The following VPS37A variants were observed in gnomAD, a reference collection of about 807,000 sequenced individuals.
The protein encoded by VPS37A is VPS37A subunit of ESCRT-I.
Under a neutral mutation model 49.8 loss-of-function variants are expected in VPS37A, and 30 were observed. The ratio of observed to expected loss-of-function variants is 0.60; its 90% CI spans 0.45 to 0.82. The LOEUF (loss-of-function observed/expected upper bound fraction) is 0.82. VPS37A is among the 40% of genes least tolerant of loss of function. The pLI is 0.00. For synonymous variants in VPS37A, 195 were observed against 160.6 expected (o/e 1.21, Z -1.62); for missense variants, 593 against 464.4 (o/e 1.28, Z -2.55).
intron 11 of VPS37A, among the ~76,000 whole-genome samples, chr8:17,290,133 G>T (rs13270250): frequency 1.7e-4 from 26 of 152,196 alleles, no homozygotes; most frequent in Non-Finnish European, 3.7e-4. Flanking sequence ...TATACAATCG[G>T]GTCATCTGCA....
the VPS37A span, chr8:17,311,539 G>A: frequency 6.2e-7 from 1 of 1,613,984 alleles, no homozygotes; most frequent in African/African-American, 1.3e-5. Context: ...CCGGTAGTGA[G>A]GGTCCAGCAG....
At chr8:17,331,654 TATC>T in the VPS37A span, among the ~76,000 whole-genome samples, 3 of 152,222 alleles carry the variant, frequency 2.0e-5, no homozygotes, top group Non-Finnish European at 4.4e-5. Context: ...GGCAGAAGAA[TATC>T]AGCAGAAACA....
chr8:17,256,629 G>GA (rs1812488344), intron 1 of VPS37A, among the ~76,000 whole-genome samples: 2 of 121,282 alleles, frequency 1.6e-5, no homozygotes, highest in Admixed American at 8.2e-5. Context: ...CGCTGTGTAG[G>GA]TTTTATTTAT....
At chr8:17,288,789 A>G (rs28787950) in intron 11 of VPS37A, among the ~76,000 whole-genome samples, 85,382 of 152,012 alleles carry the variant, frequency 0.56, 24,850 homozygotes, top group East Asian at 0.78. Flanking sequence ...TTGAGGAATC[A>G]CCACACTGGT....
intron 6 of VPS37A, among the ~76,000 whole-genome samples, chr8:17,279,094 A>G (rs564070463): frequency 2.6e-5 from 4 of 152,256 alleles, no homozygotes; most frequent in South Asian, 2.1e-4. Flanking sequence ...AAACATATCT[A>G]TAACTCTTAC....
chr8:17,331,606 A>G, the VPS37A span, among the ~76,000 whole-genome samples: 3 of 152,234 alleles, frequency 2.0e-5, no homozygotes, highest in Admixed American at 2.0e-4. Flanking sequence ...TGATGGAACC[A>G]AGTAGTCCAA....
chr8:17,271,775 G>A (rs927753818), intron 4 of VPS37A, among the ~76,000 whole-genome samples: 17 of 152,062 alleles, frequency 1.1e-4, no homozygotes, highest in African/African-American at 3.6e-4. Flanking sequence ...TTTCTTACTC[G>A]ACAGCACTCT....
chr8:17,265,846 T>A, intron 1 of VPS37A, 61 bp from the exon 2 acceptor site: 1 of 1,611,230 alleles, frequency 6.2e-7, no homozygotes, highest in Non-Finnish European at 8.5e-7. Flanking sequence ...CACTTAACAT[T>A]GGTTTTTAAC....
Position 17,246,964 on chromosome 8 carries a change from C to T in VPS37A, c.-281C>T, listed in dbSNP as rs893606446. The T allele has an allele frequency of 5.3e-5, 24 of 454,440 alleles. No individual in the cohort carries two copies. The highest frequency in any genetic ancestry group is 8.3e-5 in the Non-Finnish European group (21 of 252,172). 28.2% of individuals were successfully genotyped at this position (454,440 alleles called of 1,614,324 possible). On this transcript the variant is annotated 5_prime_UTR_variant, in exon 1 of 12. Coordinates refer to ENST00000324849, the MANE Select transcript of VPS37A (RefSeq NM_152415.3). The stretch of plus-strand genomic sequence containing the variant: ...GCGGCGCGGGTGGTGGAGCGCTGGG[C>T]GGCCAGGCTCCCTGGCTGGCCGGTT...
At chr8:17,275,589 C>T (rs781651857) in intron 5 of VPS37A, among the ~76,000 whole-genome samples, 18 of 152,124 alleles carry the variant, frequency 1.2e-4, no homozygotes, top group Non-Finnish European at 2.2e-4. Flanking sequence ...TGCTAACATA[C>T]GCTGAGGGCT....
chr8:17,264,734 G>A (rs1205766465), intron 1 of VPS37A, among the ~76,000 whole-genome samples: 1 of 152,150 alleles, frequency 6.6e-6, no homozygotes, highest in Non-Finnish European at 1.5e-5. Flanking sequence ...GATCTTTGAA[G>A]GGTATTCATG....
At chr8:17,301,143 G>A (rs894026331), downstream of VPS37A, among the ~76,000 whole-genome samples, 1 of 152,214 alleles carries the variant, frequency 6.6e-6, no homozygotes, top group Non-Finnish European at 1.5e-5. Context: ...CTTAGGTTAT[G>A]TGCAAAAGCA....
the VPS37A span, among the ~76,000 whole-genome samples, chr8:17,316,965 G>C: frequency 6.6e-6 from 1 of 152,182 alleles, no homozygotes; most frequent in Non-Finnish European, 1.5e-5. Flanking sequence ...GCTCTCACCA[G>C]TAGGTTGGGA....
chr8:17,255,882 T>C (rs1014368012), intron 1 of VPS37A, among the ~76,000 whole-genome samples: 1 of 152,248 alleles, frequency 6.6e-6, no homozygotes, highest in African/African-American at 2.4e-5. Flanking sequence ...TCCTTTTTTA[T>C]GGTGGGATAA....
chr8:17,265,770 G>T, intron 1 of VPS37A, 137 bp from the exon 2 acceptor site: 1 of 1,541,064 alleles, frequency 6.5e-7, no homozygotes, highest in African/African-American at 1.4e-5. Context: ...TTCCCCTCAA[G>T]ATACAAGTTA....
chr8:17,309,874 G>A, the VPS37A span, among the ~76,000 whole-genome samples: 3 of 152,194 alleles, frequency 2.0e-5, no homozygotes, highest in Non-Finnish European at 4.4e-5. Flanking sequence ...AAATGATGGT[G>A]TTTGGGGTAT....
At chr8:17,262,978 T>G (rs991360562) in intron 1 of VPS37A, among the ~76,000 whole-genome samples, 1 of 151,590 alleles carries the variant, frequency 6.6e-6, no homozygotes, top group Admixed American at 6.6e-5. Context: ...GGAGAATCGG[T>G]TGAACCCGGG....
At chr8:17,265,028 GA>G (rs1403361651) in intron 1 of VPS37A, among the ~76,000 whole-genome samples, 5 of 152,132 alleles carry the variant, frequency 3.3e-5, no homozygotes, top group Non-Finnish European at 7.4e-5. Flanking sequence ...GCTAAAACAA[GA>G]TAAAAGTTTA....
At chr8:17,276,944 TC>T (rs1219491087) in intron 6 of VPS37A, among the ~76,000 whole-genome samples, 17 of 152,260 alleles carry the variant, frequency 1.1e-4, no homozygotes, top group East Asian at 5.8e-4. Context: ...GTGCCATTTT[TC>T]ATGGAACTTT....
Sources: gnomAD v4.1 joint callset for allele counts (sites outside exome capture counted in the v4.1 genomes callset) on GRCh38, gnomAD v4.1.1 for gene constraint, MANE v1.5 for transcripts, NCBI Gene and HGNC (gene_info 2026-07-23, HGNC 2026-07-21) for gene names.